ADGRE3: variants seen among roughly 807,000 people sequenced by gnomAD.
The protein encoded by ADGRE3 is adhesion G protein-coupled receptor E3.
ADGRE3 carries 88 observed loss-of-function variants against 80.1 expected under a neutral mutation model. The ratio of observed to expected loss-of-function variants is 1.10; its 90% CI spans 0.93 to 1.31. ADGRE3 has a LOEUF of 1.31. Among genes scored for constraint, ADGRE3 ranks in the 40% most tolerant of loss-of-function variants. The pLI is 0.00. For synonymous variants in ADGRE3, 281 were observed against 294.8 expected (o/e 0.95, Z 0.48); for missense variants, 715 against 776.5 (o/e 0.92, Z 0.94).
intron 15 of ADGRE3, among the ~76,000 whole-genome samples, chr19:14,620,389 C>CATGTATATATGAATATATATGTATATTT (rs1970507873): frequency 8.3e-6 from 1 of 119,890 alleles, no homozygotes; most frequent in Non-Finnish European, 1.8e-5. Context: ...TTCATATATA[C>CATGTATATATGAATATATATGTATATTT]ATGTATATAT....
At chr19:14,650,629 ATCTCTC>A (rs376333448) in intron 7 of ADGRE3, among the ~76,000 whole-genome samples, 625 of 24,392 alleles carry the variant, frequency 0.026, 1 homozygote, top group Admixed American at 0.028. Flanking sequence ...CTCTGTCTCC[ATCTCTC>A]TCTCTCTCTC....
At chr19:14,668,332 A>G (rs1375062874) in intron 2 of ADGRE3, among the ~76,000 whole-genome samples, 1 of 152,054 alleles carries the variant, frequency 6.6e-6, no homozygotes, top group East Asian at 1.9e-4. Context: ...ACCCACAGAA[A>G]CCAAGAGTGA....
chr19:14,669,214 T>C lies in ADGRE3; in HGVS notation c.26-362A>G, dbSNP rs184381720. ...AAGAAAATATGCCATATATGCACCA[T>C]GGAATACTATGCAGCCATAAGAAAG... On this transcript the variant is annotated intron_variant, in intron 1 of 15. Coordinates refer to ENST00000253673, the MANE Select transcript of ADGRE3 (RefSeq NM_032571.5). 6.2e-4 allele frequency among the ~76,000 whole-genome samples: 94 copies of C among 152,310 alleles called. 1 individual carries two copies. The highest frequency in any genetic ancestry group is 2.2e-3 in the African/African-American group (91 of 41,570).
chr19:14,640,180 G>A lies in ADGRE3; in HGVS notation c.1248+1239C>T, dbSNP rs77713105. Among the ~76,000 whole-genome samples, 184 of 152,214 alleles carry A rather than the reference G, an allele frequency of 1.2e-3. 1 individual carries two copies. Among genetic ancestry groups the A allele is most frequent in the African/African-American group, 4.3e-3 (180 of 41,534 alleles). On this transcript the variant is annotated intron_variant, in intron 10 of 15. Transcript: ENST00000253673. Reference sequence around the variant, plus strand: ...GCAGGATTTCCTTCTTTTTCTGAAGGCTGAATAGTATTCCAGGACATTAGT... The same window carrying A: ...GCAGGATTTCCTTCTTTTTCTGAAGACTGAATAGTATTCCAGGACATTAGT...
chr19:14,657,685 A>T (rs1219760670), intron 5 of ADGRE3, among the ~76,000 whole-genome samples: 3 of 151,850 alleles, frequency 2.0e-5, no homozygotes, highest in Non-Finnish European at 4.4e-5. Flanking sequence ...ACTCATGAAA[A>T]GTCAGTCCTT....
At chr19:14,658,642 T>G in intron 4 of ADGRE3, 92 bp from the exon 5 acceptor site, 1 of 710,184 alleles carries the variant, frequency 1.4e-6, no homozygotes, top group Non-Finnish European at 2.2e-6. Context: ...GGTGAGCAAC[T>G]TTGCACCTAG....
intron 14 of ADGRE3, among the ~76,000 whole-genome samples, chr19:14,626,235 G>A (rs543624876): frequency 6.6e-6 from 1 of 152,162 alleles, no homozygotes; most frequent in Admixed American, 6.6e-5. Context: ...AGGAGATTGA[G>A]ACCATTCTGG....
At chr19:14,627,458 A>T (rs1599605634) in intron 14 of ADGRE3, among the ~76,000 whole-genome samples, 1 of 152,060 alleles carries the variant, frequency 6.6e-6, no homozygotes, top group South Asian at 2.1e-4. Context: ...GCTCACTGCA[A>T]CCTCTGCCTG....
intron 9 of ADGRE3, among the ~76,000 whole-genome samples, chr19:14,642,999 G>T (rs68139304): frequency 0.92 from 139,586 of 152,022 alleles, 64,132 homozygotes; most frequent in South Asian, 0.95. Context: ...CTTTGAGAAA[G>T]TGACATGCTG....
the ADGRE3 span, among the ~76,000 whole-genome samples, chr19:14,604,888 A>G: frequency 1.3e-5 from 2 of 152,246 alleles, no homozygotes; most frequent in South Asian, 4.1e-4. Flanking sequence ...AATAGATTAT[A>G]GTAAAAAATT....
chr19:14,652,462 C>T (rs1971633690), intron 6 of ADGRE3, among the ~76,000 whole-genome samples: 1 of 151,622 alleles, frequency 6.6e-6, no homozygotes, highest in South Asian at 2.1e-4. Flanking sequence ...AAGAAGCAAG[C>T]AACAAAACAG....
chr19:14,615,769 A>G (rs1436335194), downstream of ADGRE3, among the ~76,000 whole-genome samples: 2 of 151,602 alleles, frequency 1.3e-5, no homozygotes, highest in Admixed American at 1.3e-4. Context: ...AAAAAAAAAA[A>G]AAATTAGAGA....
At chr19:14,610,501 T>TCA in the ADGRE3 span, 1 of 328,772 alleles carries the variant, frequency 3.0e-6, no homozygotes, top group African/African-American at 2.1e-5. Flanking sequence ...TGGGAAGTGA[T>TCA]ACTAGCCCTG....
the ADGRE3 span, among the ~76,000 whole-genome samples, chr19:14,603,324 A>G: frequency 6.6e-6 from 1 of 152,132 alleles, no homozygotes; most frequent in African/African-American, 2.4e-5. Flanking sequence ...TGGGACATCT[A>G]CAGACTGAAT....
At chr19:14,659,865 CA>C (rs1971893821) in intron 4 of ADGRE3, among the ~76,000 whole-genome samples, 1 of 122,394 alleles carries the variant, frequency 8.2e-6, no homozygotes, top group East Asian at 2.2e-4. Flanking sequence ...GAAAGTCTAG[CA>C]AATGTTTACA....
At position 14,647,045 on chromosome 19, in the gene ADGRE3, A is replaced by G. The variant is rs1971427256; in HGVS notation, c.882+136T>C. 9.3e-6 allele frequency: 6 copies of G among 643,166 alleles called. No individual in the cohort carries two copies. In the South Asian group the frequency reaches 1.3e-4, roughly 14 times the overall value. The allele number at this position is 643,166 out of a possible 1,614,324, so 39.8% of individuals were successfully genotyped here. A position where few individuals can be genotyped will look rare whatever the true frequency, so the allele number is the denominator to read the frequency against. On this transcript the variant is annotated intron_variant, in intron 8 of 15. Transcript: ENST00000253673. Reference sequence around the variant, plus strand: ...CTCGATTCAGACCAGCTACATTTCAAATGCTCAATAGCGACAGGTGCTCCT... The same window carrying G: ...CTCGATTCAGACCAGCTACATTTCAGATGCTCAATAGCGACAGGTGCTCCT...
At chr19:14,621,176 T>C (rs66641859) in intron 15 of ADGRE3, among the ~76,000 whole-genome samples, 57,719 of 151,420 alleles carry the variant, frequency 0.38, 11,141 homozygotes, top group Non-Finnish European at 0.4. Flanking sequence ...CCTGCCACCA[T>C]GCCCAGTGGC....
chr19:14,649,042 A>C (rs371413123), intron 7 of ADGRE3, among the ~76,000 whole-genome samples: 106 of 123,668 alleles, frequency 8.6e-4, no homozygotes, highest in African/African-American at 3.2e-3. Flanking sequence ...CTTTCCATAT[A>C]TCTCTCCCCA....
intron 11 of ADGRE3, among the ~76,000 whole-genome samples, chr19:14,636,059 T>TTC (rs1971043202): frequency 1.3e-4 from 13 of 99,720 alleles, no homozygotes; most frequent in Admixed American, 5.5e-4. Flanking sequence ...CTTCCTTCCT[T>TTC]CCTTTCCTTT....
Sources: gnomAD v4.1 joint callset for allele counts (sites outside exome capture counted in the v4.1 genomes callset) on GRCh38, gnomAD v4.1.1 for gene constraint, MANE v1.5 for transcripts, NCBI Gene and HGNC (gene_info 2026-07-23, HGNC 2026-07-21) for gene names.